Variants in ZMYND10 observed in about 807,000 individuals in gnomAD.
ZMYND10 encodes zinc finger MYND-type containing 10.
In ZMYND10, 52 loss-of-function variants were observed where a neutral mutation model predicts 62.6. The observed-to-expected ratio is 0.83, with a 90% CI of 0.67 to 1.05. The LOEUF (loss-of-function observed/expected upper bound fraction) is 1.05, where lower values mean the gene tolerates loss of function less well. Ranked by LOEUF, ZMYND10 falls within the 50% of genes least tolerant of loss-of-function variation. ZMYND10 has a pLI of 0.00. For missense variants in ZMYND10, 438 were observed against 543.3 expected, an observed-to-expected ratio of 0.81 and a Z score of 1.93; for synonymous variants, 197 against 218.5, an observed-to-expected ratio of 0.90 and a Z score of 0.87.
chr3:50,342,568 GC>G lies in ZMYND10; in HGVS notation c.701del (p.Gly234AlafsTer22). 1 of 1,611,618 alleles carries G rather than the reference GC, an allele frequency of 6.2e-7. No individual in the cohort carries two copies. The highest frequency in any genetic ancestry group is 8.5e-7 in the Non-Finnish European group (1 of 1,178,142). ...EHSPWSRREG[G>X]KLQQFEGSRW... ...GGCTGCCCTCGAACTGCTGCAGCTT[GC>G]CTGGGGAGAGGAACCAGCACACTGG... On this transcript the variant is annotated frameshift_variant and splice_region_variant, in exon 8 of 12. Transcript: ENST00000231749. LOFTEE classifies it high-confidence loss of function.
Position 50,343,082 on chromosome 3 carries a change from C to T in ZMYND10, c.599+36G>A, listed in dbSNP as rs1367925141. On this transcript the variant is annotated intron_variant, in intron 6 of 11. Coordinates refer to ENST00000231749, the MANE Select transcript of ZMYND10 (RefSeq NM_015896.4). ...AGGCTACAGGCCCGGTCTTCCAGCC[C>T]TCCACAGTAGGCCCAGGCCCAGTCG... 2.5e-6 allele frequency: 4 copies of T among 1,613,978 alleles called. No homozygotes were observed. The South Asian group carries it at 3.3e-5, about 13-fold the overall frequency.
At position 50,341,701 on chromosome 3, in the gene ZMYND10, T is replaced by TG; in HGVS notation, c.1122-3dup. The TG allele has an allele frequency of 6.2e-7, 1 of 1,614,066 alleles. No homozygotes were observed. The highest frequency in any genetic ancestry group is 8.5e-7 in the Non-Finnish European group (1 of 1,179,944). On this transcript the variant is annotated splice_polypyrimidine_tract_variant and splice_region_variant and intron_variant, in intron 10 of 11. Transcript: ENST00000231749. ...TCCAGCCTGTAGGTCTCAGCCCACC[T>TG]GGGGGAAAGTCAGGAAGGTCTGACT...
In ZMYND10 at chr3:50,342,040, G is replaced by A. The variant is rs587763990; in HGVS notation, c.974C>T (p.Pro325Leu). ...CTGTTCCAACACCAGGTCCTTCTTAGGAGGCTGGGTTTCAGTTAGGGTCAG... is the reference window on the plus strand; with the variant it reads ...CTGTTCCAACACCAGGTCCTTCTTAAGAGGCTGGGTTTCAGTTAGGGTCAG... Reference protein sequence around the residue: ...AHLTLTETQPPKKDLVLEQIP... With the variant: ...AHLTLTETQPLKKDLVLEQIP... Residue 325 changes from proline to leucine, a missense_variant, in exon 9 of 12, where the codon CCT becomes CTT. Physicochemically the swap from Pro to Leu is moderately conservative, Grantham distance 98 (BLOSUM62 -3). Transcript: ENST00000231749. The A allele has an allele frequency of 1.9e-6, 3 of 1,614,194 alleles. No individual in the cohort carries two copies. The highest frequency in any genetic ancestry group is 2.2e-5 in the South Asian group (2 of 91,084).
rs1374821177 is a variant in ZMYND10 at position 50,342,091 on chromosome 3, G to A, written c.923C>T (p.Ala308Val). ...ATGGGCCAGGAAACTCTGCAAGTGG[G>A]CCAGGTTGGGCAGCTGGTCCAGCAG... Reference protein sequence around the residue: ...DTLLDQLPNLAHLQSFLAHLT... With the variant: ...DTLLDQLPNLVHLQSFLAHLT... Residue 308 changes from alanine (A) to valine (V), a missense_variant, in exon 9 of 12, where the codon GCC becomes GTC. By Grantham distance (64) the Ala-to-Val change is moderately conservative (BLOSUM62 0). Transcript: ENST00000231749. 6.2e-7 allele frequency: 1 copy of A among 1,613,690 alleles called. No individual in the cohort carries two copies. The highest frequency in any genetic ancestry group is 1.7e-5 in the Admixed American group (1 of 59,876).
rs751111715 is a variant in ZMYND10, at chr3:50,345,167, C to A, written c.158G>T (p.Ser53Ile). The change falls in exon 2 of 12, where the codon AGC becomes ATC. Residue 53 changes from serine (S) to isoleucine (I), a missense_variant. Transcript: ENST00000231749. The surrounding 1 kb of genome is among the most constrained non-coding windows in gnomAD (Gnocchi z 5.0). ...NMQAILDATV[S>I]QGEPIQELLV... ...CAGCTCCTGAATGGGCTCGCCCTGG[C>A]TGACTGTGGCATCGAGGATGGCTTG... 1.2e-6 allele frequency: 2 copies of A among 1,614,064 alleles called. No homozygotes were observed. Among genetic ancestry groups the A allele is most frequent in the South Asian group, 1.1e-5 (1 of 91,046 alleles).
Position 50,341,442 on chromosome 3 carries a change from C to T in ZMYND10, c.1291G>A (p.Val431Ile), listed in dbSNP as rs201258677. The change falls in exon 12 of 12, where the codon GTC becomes ATC. Residue 431 changes from valine to isoleucine, a missense_variant. Coordinates refer to ENST00000231749, the MANE Select transcript of ZMYND10 (RefSeq NM_015896.4). ...KHWEKHGKTC[V>I]LAAQGDRAK ...GCTCTGTCACCCTGGGCTGCCAGGA[C>T]ACAAGTCTTTCCATGCTTTTCCCAG... 180 of 1,614,118 alleles carry T rather than the reference C, an allele frequency of 1.1e-4. 1 individual carries two copies. The highest frequency in any genetic ancestry group is 1.5e-4 in the Non-Finnish European group (174 of 1,180,050).
At chr3:50,341,526 G>A (rs1321184718) in intron 11 of ZMYND10, 41 bp from the exon 12 acceptor site, 98 of 1,614,130 alleles carry the variant, frequency 6.1e-5, no homozygotes, top group Non-Finnish European at 8.2e-5. Context: ...TGCATGTGGG[G>A]GATGTGGGAG....
chr3:50,344,073 G>A, intron 2 of ZMYND10: 1 of 550,344 alleles, frequency 1.8e-6, no homozygotes, highest in Non-Finnish European at 3.3e-6. Flanking sequence ...TATGTGACTG[G>A]CTCCTGCCCA....
rs1703379284 is a variant in ZMYND10 at position 50,341,624 on chromosome 3, T to C, written c.1197A>G (p.Ala399=). Residue 399 remains alanine (A), a synonymous_variant, in exon 11 of 12, where the codon GCA becomes GCG. Coordinates refer to ENST00000231749, the MANE Select transcript of ZMYND10 (RefSeq NM_015896.4). ...PERPRCAYCS[A]EASKRCSRCQ... Reference sequence around the variant, plus strand: ...ATCGTGAGCAGCGCTTAGAAGCCTCTGCACTGCAGTAAGCACAGCGGGGCC... The same window carrying C: ...ATCGTGAGCAGCGCTTAGAAGCCTCCGCACTGCAGTAAGCACAGCGGGGCC... 1.2e-6 allele frequency: 2 copies of C among 1,614,274 alleles called. No individual in the cohort carries two copies. The highest frequency in any genetic ancestry group is 1.3e-5 in the African/African-American group (1 of 75,078).
Position 50,345,560 on chromosome 3 carries a change from A to G in ZMYND10, c.20T>C (p.Leu7Pro), listed in dbSNP as rs1365093953. 1.2e-6 allele frequency: 2 copies of G among 1,605,072 alleles called. No homozygotes were observed. The highest frequency in any genetic ancestry group is 1.7e-6 in the Non-Finnish European group (2 of 1,176,448). ...CAGCACTTCAGCTTCCCCGGGCAGC[A>G]GCAGTTCCAGGTCTCCCATATCGAG... MGDLELLLPGEAEVLVR... is the reference protein window; with the variant it reads MGDLELPLPGEAEVLVR... Residue 7 changes from leucine (L) to proline (P), a missense_variant, in exon 1 of 12, where the codon CTG becomes CCG. Transcript: ENST00000231749. This position sits in a 1 kb window ranked among gnomAD's most constrained non-coding sequence, Gnocchi z 5.0.
At position 50,343,133 on chromosome 3, in the gene ZMYND10, GT is replaced by G; in HGVS notation, c.583del (p.Thr195GlnfsTer12). ...LKALSVLRYI[T>X]DCVDSLSLST... ...GACTGCTCACCTGTCCACACAGTCT[GT>G]GATGTAGCGTAGTACTGAGAGGGCC... On this transcript the variant is annotated frameshift_variant, in exon 6 of 12. Coordinates refer to ENST00000231749, the MANE Select transcript of ZMYND10 (RefSeq NM_015896.4). LOFTEE classifies it high-confidence loss of function. 6.2e-7 allele frequency: 1 copy of G among 1,614,240 alleles called. No homozygotes were observed. The highest frequency in any genetic ancestry group is 8.5e-7 in the Non-Finnish European group (1 of 1,180,034).
chr3:50,345,458 C>G lies in ZMYND10; in HGVS notation c.92+30G>C. 4 of 1,564,684 alleles carry G rather than the reference C, an allele frequency of 2.6e-6. No individual in the cohort carries two copies. Among genetic ancestry groups the G allele is most frequent in the Non-Finnish European group, 3.5e-6 (4 of 1,154,324 alleles). ...GCTCCCCGACTCAAGGACAATGACT[C>G]CGGGACTCCGCCTGACCCGGGTGCC... On this transcript the variant is annotated intron_variant, in intron 1 of 11. Coordinates refer to ENST00000231749, the MANE Select transcript of ZMYND10 (RefSeq NM_015896.4). This position sits in a 1 kb window ranked among gnomAD's most constrained non-coding sequence, Gnocchi z 5.0.
In ZMYND10 at chr3:50,342,931, G is replaced by T. The variant is rs368400962; in HGVS notation, c.687C>A (p.Ser229Arg). The T allele has an allele frequency of 6.2e-6, 10 of 1,613,944 alleles. No homozygotes were observed. Among genetic ancestry groups the T allele is most frequent in the Non-Finnish European group, 7.6e-6 (9 of 1,179,898 alleles). Reference sequence around the variant, plus strand: ...GGAGGACCCTACCTCCTTCCCGCCGGCTCCAGGGACTATGCTCCAGCAGTT... The same window carrying T: ...GGAGGACCCTACCTCCTTCCCGCCGTCTCCAGGGACTATGCTCCAGCAGTT... ...LVELLEHSPW[S>R]RREGGKLQQF... The change falls in exon 7 of 12, where the codon AGC (serine) becomes AGA (arginine). Residue 229 changes from serine to arginine, a missense_variant. Physicochemically the swap from Ser to Arg is moderately radical, Grantham distance 110. Coordinates refer to ENST00000231749, the MANE Select transcript of ZMYND10 (RefSeq NM_015896.4).
chr3:50,343,090 T>TAGGCCC, intron 6 of ZMYND10, 28 bp downstream of exon 6: 3 of 1,614,110 alleles, frequency 1.9e-6, no homozygotes, highest in Non-Finnish European at 2.5e-6. Flanking sequence ...CCCTCCACAG[T>TAGGCCC]AGGCCCAGGC....
rs1470920458 is a variant in ZMYND10 at position 50,345,476 on chromosome 3, C to G, written c.92+12G>C. The G allele has an allele frequency of 1.3e-6, 2 of 1,588,260 alleles. No homozygotes were observed. The highest frequency in any genetic ancestry group is 2.7e-5 in the African/African-American group (2 of 74,430). ...AATGACTCCGGGACTCCGCCTGACC[C>G]GGGTGCCTCACCCTTCGGAGCCCAT... On this transcript the variant is annotated intron_variant, in intron 1 of 11. Coordinates refer to ENST00000231749, the MANE Select transcript of ZMYND10 (RefSeq NM_015896.4). The surrounding 1 kb of genome is among the most constrained non-coding windows in gnomAD (Gnocchi z 5.0).
intron 8 of ZMYND10, 57 bp downstream of exon 8, chr3:50,342,340 G>A: frequency 1.3e-6 from 2 of 1,554,314 alleles, no homozygotes; most frequent in African/African-American, 1.4e-5. Flanking sequence ...ACGCAGTCGG[G>A]GTAGGATGGG....
chr3:50,343,126 A>G lies in ZMYND10; in HGVS notation c.591T>C (p.Cys197=), dbSNP rs1012209315. ...CCAGTCGGACTGCTCACCTGTCCACACAGTCTGTGATGTAGCGTAGTACTG... is the reference window on the plus strand; with the variant it reads ...CCAGTCGGACTGCTCACCTGTCCACGCAGTCTGTGATGTAGCGTAGTACTG... ...ALSVLRYITD[C]VDSLSLSTLS... Residue 197 remains cysteine, a synonymous_variant, in exon 6 of 12, where the codon TGT becomes TGC. Coordinates refer to ENST00000231749, the MANE Select transcript of ZMYND10 (RefSeq NM_015896.4). 1.2e-6 allele frequency: 2 copies of G among 1,614,098 alleles called. No individual in the cohort carries two copies. The highest frequency in any genetic ancestry group is 8.5e-7 in the Non-Finnish European group (1 of 1,180,028).
At position 50,345,050 on chromosome 3, in the gene ZMYND10, A is replaced by G; in HGVS notation, c.201+74T>C. Reference sequence around the variant, plus strand: ...GTACCAGGCCAGAGGGGAAGGGCACACAGGGGACTCCGGAGGGGTAGAGTA... The same window carrying G: ...GTACCAGGCCAGAGGGGAAGGGCACGCAGGGGACTCCGGAGGGGTAGAGTA... On this transcript the variant is annotated intron_variant, in intron 2 of 11. Coordinates refer to ENST00000231749, the MANE Select transcript of ZMYND10 (RefSeq NM_015896.4). The surrounding 1 kb of genome is among the most constrained non-coding windows in gnomAD (Gnocchi z 5.0). 5 of 1,305,572 alleles carry G rather than the reference A, an allele frequency of 3.8e-6. No homozygotes were observed. The highest frequency in any genetic ancestry group is 5.5e-6 in the Non-Finnish European group (5 of 916,556). 80.9% of individuals were successfully genotyped at this position (1,305,572 alleles called of 1,614,324 possible). A position where few individuals can be genotyped will look rare whatever the true frequency, so the allele number is the denominator to read the frequency against.
At position 50,341,587 on chromosome 3, in the gene ZMYND10, A is replaced by G; in HGVS notation, c.1234T>C (p.Trp412Arg). ...SKRCSRCQNE[W>R]YCCRECQVKH... ...GGATACCCTCACCTGCAGCAATACC[A>G]CTCATTCTGGCATCGTGAGCAGCGC... Residue 412 changes from tryptophan (W) to arginine (R), a missense_variant, in exon 11 of 12, where the codon TGG becomes CGG. Trp to Arg is a moderately radical substitution (Grantham distance 101). Coordinates refer to ENST00000231749, the MANE Select transcript of ZMYND10 (RefSeq NM_015896.4). The G allele has an allele frequency of 1.2e-6, 2 of 1,614,166 alleles. No homozygotes were observed. The highest frequency in any genetic ancestry group is 1.7e-6 in the Non-Finnish European group (2 of 1,180,024).
Sources: allele counts gnomAD v4.1 joint callset, GRCh38; gene constraint gnomAD v4.1.1; non-coding constraint Gnocchi (gnomAD v3.1); transcripts MANE v1.5; gene names NCBI Gene and HGNC (gene_info 2026-07-23, HGNC 2026-07-21).